Variants in KDM4C observed in about 807,000 individuals in gnomAD.
KDM4C encodes lysine demethylase 4C, also known as lysine-specific demethylase 4C.
A neutral mutation model predicts 129.3 loss-of-function variants in KDM4C; 81 were observed. The observed-to-expected ratio is 0.63, with a 90% CI of 0.52 to 0.75. The LOEUF is 0.75. Among genes scored for constraint, KDM4C ranks in the 30% least tolerant of loss-of-function variants. The probability of loss-of-function intolerance (pLI) is 0.00; values close to 1 mark genes in which losing one functional copy is unlikely to be tolerated. For missense variants in KDM4C, 1,457 were observed against 1,304.0 expected (o/e 1.12, Z -1.81); for synonymous variants, 573 against 456.1 (o/e 1.26, Z -3.26).
At chr9:7,030,939 A>G (rs774368982) in intron 15 of KDM4C, among the ~76,000 whole-genome samples, 2 of 152,104 alleles carry the variant, frequency 1.3e-5, no homozygotes, top group Admixed American at 1.3e-4. Context: ...AATTATGCAC[A>G]TTTATTATTT....
At chr9:6,986,230 C>T (rs912208) in intron 10 of KDM4C, 114 bp from the exon 11 acceptor site, 381,064 of 656,154 alleles carry the variant, frequency 0.58, 112,440 homozygotes, top group South Asian at 0.71. Flanking sequence ...TATGTGCATG[C>T]GCATGCGTGT....
intron 1 of KDM4C, among the ~76,000 whole-genome samples, chr9:6,736,200 G>A (rs548474201): frequency 5.3e-5 from 8 of 152,222 alleles, no homozygotes; most frequent in African/African-American, 1.9e-4. Flanking sequence ...AGGAAGCAGA[G>A]CATAAAAGAC....
chr9:7,168,773 A>G (rs1284645950), intron 20 of KDM4C, among the ~76,000 whole-genome samples: 2 of 152,184 alleles, frequency 1.3e-5, no homozygotes, highest in African/African-American at 2.4e-5. Context: ...TTATTATATA[A>G]GAGTAAACAG....
intron 5 of KDM4C, among the ~76,000 whole-genome samples, chr9:6,851,921 A>C (rs1838916641): frequency 6.6e-6 from 1 of 152,180 alleles, no homozygotes; most frequent in Admixed American, 6.5e-5. Flanking sequence ...GCAGTAGTTA[A>C]TTACTCTATT....
At chr9:6,909,670 A>C (rs1482334312) in intron 8 of KDM4C, among the ~76,000 whole-genome samples, 1 of 152,242 alleles carries the variant, frequency 6.6e-6, no homozygotes, top group Non-Finnish European at 1.5e-5. Flanking sequence ...GACTTTGTAA[A>C]AACATTTAAT....
intron 4 of KDM4C, among the ~76,000 whole-genome samples, chr9:6,817,980 T>C (rs1331834761): frequency 6.6e-6 from 1 of 151,994 alleles, no homozygotes; most frequent in Non-Finnish European, 1.5e-5. Context: ...TTGGCCAGGT[T>C]GGTCTCAATC....
At chr9:6,887,928 C>A in intron 6 of KDM4C, 32 bp from the exon 7 acceptor site, 1 of 1,213,874 alleles carries the variant, frequency 8.2e-7, no homozygotes, top group Non-Finnish European at 1.2e-6. Flanking sequence ...TTAATCGACA[C>A]AGTGCCACTT....
At chr9:7,099,611 G>T (rs1836843374) in intron 17 of KDM4C, among the ~76,000 whole-genome samples, 1 of 152,214 alleles carries the variant, frequency 6.6e-6, no homozygotes, top group Non-Finnish European at 1.5e-5. Context: ...TTTTAACCCT[G>T]TAGCCTCTTG....
At chr9:6,939,367 G>T (rs1215474637) in intron 8 of KDM4C, among the ~76,000 whole-genome samples, 1 of 152,192 alleles carries the variant, frequency 6.6e-6, no homozygotes, top group East Asian at 2.0e-4. Context: ...TGGCCTAGTT[G>T]CAGGAAAACA....
At chr9:7,031,208 G>C (rs1271364180) in intron 15 of KDM4C, among the ~76,000 whole-genome samples, 1 of 151,678 alleles carries the variant, frequency 6.6e-6, no homozygotes, top group Non-Finnish European at 1.5e-5. Flanking sequence ...TGTTGCCCAG[G>C]CTGGAGTGCA....
chr9:6,900,382 A>G (rs138485087), intron 8 of KDM4C, among the ~76,000 whole-genome samples: 4 of 152,362 alleles, frequency 2.6e-5, no homozygotes, highest in African/African-American at 4.8e-5. Context: ...ATTCTTGAAG[A>G]TTCAGAATGG....
chr9:6,720,923 A>G, exon 1 of KDM4C: 1 of 1,550,104 alleles, frequency 6.5e-7, no homozygotes, highest in Non-Finnish European at 8.7e-7. Flanking sequence ...TTCTGCATTC[A>G]TGTGGAAGAG....
chr9:6,791,980 C>G (rs1049934664), intron 1 of KDM4C, among the ~76,000 whole-genome samples: 9 of 152,108 alleles, frequency 5.9e-5, no homozygotes, highest in African/African-American at 1.9e-4. Flanking sequence ...CGAGATTGCG[C>G]CATTTCACTC....
chr9:6,949,848 G>A (rs1444216786), intron 8 of KDM4C, among the ~76,000 whole-genome samples: 1 of 138,450 alleles, frequency 7.2e-6, no homozygotes, highest in East Asian at 2.6e-4. Flanking sequence ...GAGGGAGACC[G>A]TGGGGAGAGG....
chr9:7,068,592 C>T (rs531883199), intron 17 of KDM4C, among the ~76,000 whole-genome samples: 1 of 151,850 alleles, frequency 6.6e-6, no homozygotes, highest in African/African-American at 2.4e-5. Flanking sequence ...CCTGACAGTT[C>T]CATGTTGTGT....
At chr9:7,127,061 T>TTGGA (rs778741639) in intron 18 of KDM4C, among the ~76,000 whole-genome samples, 1 of 151,772 alleles carries the variant, frequency 6.6e-6, no homozygotes, top group African/African-American at 2.4e-5. Context: ...GGATGGATGG[T>TTGGA]TGGATGGATG....
chr9:6,724,687 C>T (rs1009802106), intron 1 of KDM4C, among the ~76,000 whole-genome samples: 10 of 152,068 alleles, frequency 6.6e-5, no homozygotes, highest in Non-Finnish European at 1.5e-4. Context: ...CGCACCACAA[C>T]GCCCAGCTAA....
Position 7,091,550 on chromosome 9 carries a change from A to T in KDM4C, c.2425-12135A>T, listed in dbSNP as rs1056722034. Among the ~76,000 whole-genome samples the T allele has an allele frequency of 5.3e-5, 8 of 152,344 alleles. No homozygotes were observed. In the East Asian group the frequency reaches 1.5e-3, roughly 29 times the overall value. On this transcript the variant is annotated intron_variant, in intron 17 of 21. Transcript: ENST00000381309. ...TCTTATCTTTTGTTGAGAGTTAGACAGATGTGTGATTTTAGTGAATGTATT... is the reference window on the plus strand; with the variant it reads ...TCTTATCTTTTGTTGAGAGTTAGACTGATGTGTGATTTTAGTGAATGTATT...
Position 7,150,188 on chromosome 9 carries a change from G to A in KDM4C, c.2782-15050G>A, listed in dbSNP as rs1002695448. 2.0e-5 allele frequency among the ~76,000 whole-genome samples: 3 copies of A among 152,308 alleles called. No homozygotes were observed. In the East Asian group the frequency reaches 5.8e-4, roughly 29 times the overall value. On this transcript the variant is annotated intron_variant, in intron 19 of 21. Transcript: ENST00000381309. ...CAAACAGTGGTCCCCACAGAGTGCC[G>A]CAGGAGCCGCCCTCTGGCTTCTCCC...
Sources: gnomAD v4.1 joint callset for allele counts (sites outside exome capture counted in the v4.1 genomes callset) on GRCh38, gnomAD v4.1.1 for gene constraint, MANE v1.5 for transcripts, NCBI Gene and HGNC (gene_info 2026-07-23, HGNC 2026-07-21) for gene names.